MDGA2: variants seen among roughly 807,000 people sequenced by gnomAD.
MDGA2 encodes MAM domain-containing glycosylphosphatidylinositol anchor protein 2.
MDGA2 carries 40 observed loss-of-function variants against 117.8 expected under a neutral mutation model. The observed-to-expected ratio is 0.34, with a 90% CI of 0.26 to 0.44. The LOEUF (loss-of-function observed/expected upper bound fraction) is 0.44. Among genes scored for constraint, MDGA2 ranks in the 20% least tolerant of loss-of-function variants. The probability of loss-of-function intolerance (pLI) is 1.00; values close to 1 mark genes in which losing one functional copy is unlikely to be tolerated. For missense variants in MDGA2, 1,123 were observed against 1,250.6 expected, an observed-to-expected ratio of 0.90 and a Z score of 1.54; for synonymous variants, 452 against 439.0, an observed-to-expected ratio of 1.03 and a Z score of -0.37.
chr14:46,945,137 T>C (rs1360944465), intron 9 of MDGA2, among the ~76,000 whole-genome samples: 2 of 152,156 alleles, frequency 1.3e-5, no homozygotes, highest in African/African-American at 4.8e-5. Context: ...AATTACCTGC[T>C]GTCCCTTTTG....
chr14:47,404,209 A>C (rs537138950), intron 1 of MDGA2, among the ~76,000 whole-genome samples: 71 of 150,336 alleles, frequency 4.7e-4, no homozygotes, highest in African/African-American at 1.6e-3. Context: ...TTTTTAAGAC[A>C]GGGTCTCGCT....
At chr14:47,354,224 C>T (rs1453569669) in intron 1 of MDGA2, among the ~76,000 whole-genome samples, 1 of 152,118 alleles carries the variant, frequency 6.6e-6, no homozygotes, top group African/African-American at 2.4e-5. Flanking sequence ...AATTTTTCTT[C>T]TAAGATTCAG....
chr14:47,500,551 T>C (rs1164276030), intron 1 of MDGA2, among the ~76,000 whole-genome samples: 2 of 152,062 alleles, frequency 1.3e-5, no homozygotes, highest in Non-Finnish European at 2.9e-5. Context: ...TAGCTGACTT[T>C]TGGACTCTTG....
chr14:47,426,531 T>G (rs1232161318), intron 1 of MDGA2, among the ~76,000 whole-genome samples: 1 of 151,844 alleles, frequency 6.6e-6, no homozygotes, highest in Non-Finnish European at 1.5e-5. Context: ...AATATGGAAG[T>G]TACTAGTATT....
intron 1 of MDGA2, among the ~76,000 whole-genome samples, chr14:47,588,315 G>A (rs1440130512): frequency 6.8e-6 from 1 of 146,212 alleles, no homozygotes; most frequent in African/African-American, 2.5e-5. Context: ...GTAATTTAAT[G>A]ATTAACATTT....
intron 1 of MDGA2, among the ~76,000 whole-genome samples, chr14:47,671,157 T>G (rs951752596): frequency 6.6e-6 from 1 of 152,202 alleles, no homozygotes; most frequent in Admixed American, 6.5e-5. Context: ...AGTTAAGAGA[T>G]AATCTCCCTC....
intron 1 of MDGA2, among the ~76,000 whole-genome samples, chr14:47,403,520 C>T (rs1443226208): frequency 6.6e-6 from 1 of 152,108 alleles, no homozygotes; most frequent in East Asian, 1.9e-4. Context: ...GTTAAACTGA[C>T]AAATCACAGG....
intron 5 of MDGA2, among the ~76,000 whole-genome samples, chr14:47,103,393 G>T (rs964639520): frequency 3.3e-5 from 5 of 152,112 alleles, no homozygotes; most frequent in Admixed American, 2.0e-4. Context: ...TAATATATTA[G>T]AAGTTGATGT....
chr14:47,326,706 C>CAT (rs1555373763), intron 1 of MDGA2, among the ~76,000 whole-genome samples: 1 of 151,422 alleles, frequency 6.6e-6, no homozygotes, highest in Non-Finnish European at 1.5e-5. Context: ...CACACACACA[C>CAT]AATTGTATCA....
rs201842354 is a variant in MDGA2, at chr14:47,367,612, C to T, written c.281-66062G>A. Among the ~76,000 whole-genome samples the T allele has an allele frequency of 2.0e-5, 3 of 152,170 alleles. No individual in the cohort carries two copies. The East Asian group carries it at 5.8e-4, about 29-fold the overall frequency. ...TAGGCCATAAACTACCAGAGGTTTC[C>T]ATGGGCAAGCCATTCTAAAAACTGT... On this transcript the variant is annotated intron_variant, in intron 1 of 16. Transcript: ENST00000399232.
chr14:46,916,434 A>C (rs1312362732), intron 10 of MDGA2, among the ~76,000 whole-genome samples: 1 of 152,020 alleles, frequency 6.6e-6, no homozygotes, highest in Non-Finnish European at 1.5e-5. Context: ...AAAAAAAAAA[A>C]GCACCTATTT....
intron 8 of MDGA2, among the ~76,000 whole-genome samples, chr14:47,014,283 C>T (rs1888004956): frequency 6.6e-6 from 1 of 152,130 alleles, no homozygotes; most frequent in South Asian, 2.1e-4. Flanking sequence ...TAGCATGATT[C>T]TTAAAGGCCC....
intron 7 of MDGA2, among the ~76,000 whole-genome samples, chr14:47,046,105 T>C (rs1204029908): frequency 2.0e-5 from 3 of 151,716 alleles, no homozygotes; most frequent in African/African-American, 7.3e-5. Flanking sequence ...TATACATATG[T>C]AACAAACCTG....
chr14:47,627,869 C>G (rs1425527366), intron 1 of MDGA2, among the ~76,000 whole-genome samples: 1 of 152,198 alleles, frequency 6.6e-6, no homozygotes, highest in Admixed American at 6.5e-5. Flanking sequence ...CCTGAGCCAG[C>G]AAGACCACGA....
At chr14:47,300,340 C>A (rs921637427) in intron 2 of MDGA2, among the ~76,000 whole-genome samples, 3 of 152,162 alleles carry the variant, frequency 2.0e-5, no homozygotes, top group African/African-American at 4.8e-5. Context: ...CTAGTAAGGT[C>A]ATTGACAATA....
rs554819721 is a variant in MDGA2 at position 47,538,480 on chromosome 14, A to G, written c.280+136037T>C. 6.6e-5 allele frequency among the ~76,000 whole-genome samples: 10 copies of G among 152,344 alleles called. No individual in the cohort carries two copies. The East Asian group carries it at 1.9e-3, about 29-fold the overall frequency. ...GTTTCAGTCTATAACAAGACTAAGCATCTTTAGAAATTATCTTTTGTGTTG... is the reference window on the plus strand; with the variant it reads ...GTTTCAGTCTATAACAAGACTAAGCGTCTTTAGAAATTATCTTTTGTGTTG... On this transcript the variant is annotated intron_variant, in intron 1 of 16. Coordinates refer to ENST00000399232, the MANE Select transcript of MDGA2 (RefSeq NM_001113498.3).
intron 1 of MDGA2, among the ~76,000 whole-genome samples, chr14:47,522,770 C>G (rs1350706307): frequency 2.0e-5 from 3 of 152,180 alleles, no homozygotes; most frequent in East Asian, 3.9e-4. Context: ...TCATACAGTA[C>G]TTCCATAACT....
chr14:47,537,609 A>G (rs866290359), intron 1 of MDGA2, among the ~76,000 whole-genome samples: 3 of 136,192 alleles, frequency 2.2e-5, no homozygotes, highest in Non-Finnish European at 4.7e-5. Flanking sequence ...AAAAAAAAAA[A>G]AAAAACTTAA....
At chr14:47,513,969 T>C (rs1300733597) in intron 1 of MDGA2, among the ~76,000 whole-genome samples, 1 of 152,114 alleles carries the variant, frequency 6.6e-6, no homozygotes, top group Non-Finnish European at 1.5e-5. Flanking sequence ...ATCTTGTTGA[T>C]TTCTAGGAAT....
Sources: gnomAD v4.1 joint callset for allele counts (sites outside exome capture counted in the v4.1 genomes callset) on GRCh38, gnomAD v4.1.1 for gene constraint, MANE v1.5 for transcripts, NCBI Gene and HGNC (gene_info 2026-07-23, HGNC 2026-07-21) for gene names.